The following UNC5C variants were observed in gnomAD, a reference collection of about 807,000 sequenced individuals.
UNC5C encodes the protein unc-5 netrin receptor C.
UNC5C carries 47 observed loss-of-function variants against 99.8 expected under a neutral mutation model. That is an observed-to-expected ratio of 0.47 (90% confidence interval 0.37 to 0.60). The LOEUF (loss-of-function observed/expected upper bound fraction) is 0.60. Ranked by LOEUF, UNC5C falls within the 20% of genes least tolerant of loss-of-function variation. UNC5C has a pLI of 0.00. For synonymous variants in UNC5C, 487 were observed against 452.2 expected (o/e 1.08, Z -0.98); for missense variants, 1,062 against 1,165.9 (o/e 0.91, Z 1.30).
chr4:95,199,652 T>C (rs1438661359), intron 12 of UNC5C, among the ~76,000 whole-genome samples: 1 of 152,182 alleles, frequency 6.6e-6, no homozygotes, highest in Non-Finnish European at 1.5e-5. Context: ...TTGCATGTAT[T>C]TGTGTGTGTT....
chr4:95,332,117 A>C (rs77264909), intron 2 of UNC5C, among the ~76,000 whole-genome samples: 7,616 of 152,284 alleles, frequency 0.05, 612 homozygotes, highest in African/African-American at 0.17. Flanking sequence ...GGTAGGAAGA[A>C]TCAATATCAT....
intron 7 of UNC5C, among the ~76,000 whole-genome samples, chr4:95,223,665 T>C (rs1738560737): frequency 6.6e-6 from 1 of 152,216 alleles, no homozygotes; most frequent in Non-Finnish European, 1.5e-5. Flanking sequence ...TTCCTTATTC[T>C]AGTTGTCTGA....
At chr4:95,470,861 G>T (rs1181010322) in intron 1 of UNC5C, among the ~76,000 whole-genome samples, 1 of 152,058 alleles carries the variant, frequency 6.6e-6, no homozygotes, top group East Asian at 1.9e-4. Flanking sequence ...ATTTTAATTT[G>T]TAAGGGTTTC....
intron 1 of UNC5C, among the ~76,000 whole-genome samples, chr4:95,495,670 G>A (rs1721610935): frequency 6.6e-6 from 1 of 151,536 alleles, no homozygotes; most frequent in African/African-American, 2.4e-5. Flanking sequence ...TTAAATAACT[G>A]TCCAAGTTCA....
At chr4:95,248,335 T>A (rs184684973) in intron 5 of UNC5C, 18 of 262,652 alleles carry the variant, frequency 6.9e-5, no homozygotes, top group Non-Finnish European at 1.4e-4. Context: ...AAAGATGCAG[T>A]TATAGTTGAA....
intron 2 of UNC5C, among the ~76,000 whole-genome samples, chr4:95,324,476 T>G (rs1742814447): frequency 1.3e-5 from 2 of 152,156 alleles, no homozygotes; most frequent in Admixed American, 1.3e-4. Context: ...ATAAATGTAA[T>G]GTACTTGAAT....
At chr4:95,242,363 TA>T in intron 7 of UNC5C, 65 bp downstream of exon 7, 2 of 1,586,772 alleles carry the variant, frequency 1.3e-6, no homozygotes, top group East Asian at 2.3e-5. Context: ...AATGTTTCCT[TA>T]AAAAACTCCA....
At chr4:95,347,608 C>T (rs991176476) in intron 1 of UNC5C, among the ~76,000 whole-genome samples, 3 of 151,910 alleles carry the variant, frequency 2.0e-5, no homozygotes, top group African/African-American at 7.2e-5. Flanking sequence ...AATTCATACA[C>T]CTACAGTGAA....
At chr4:95,459,393 T>C (rs1165900508) in intron 1 of UNC5C, among the ~76,000 whole-genome samples, 1 of 152,160 alleles carries the variant, frequency 6.6e-6, no homozygotes, top group Non-Finnish European at 1.5e-5. Context: ...ATTATTCCAG[T>C]AGTCAGTGTA....
At chr4:95,292,320 A>G (rs1741506068) in intron 3 of UNC5C, among the ~76,000 whole-genome samples, 1 of 148,432 alleles carries the variant, frequency 6.7e-6, no homozygotes, top group African/African-American at 2.5e-5. Flanking sequence ...CCCAGGCTGG[A>G]GTGCAGTAGT....
At chr4:95,371,700 A>G (rs1744753891) in intron 1 of UNC5C, among the ~76,000 whole-genome samples, 1 of 152,198 alleles carries the variant, frequency 6.6e-6, no homozygotes, top group African/African-American at 2.4e-5. Flanking sequence ...TGGAAACACC[A>G]GGGCTACGTA....
intron 1 of UNC5C, among the ~76,000 whole-genome samples, chr4:95,428,942 C>G (rs1256989530): frequency 6.6e-6 from 1 of 152,080 alleles, no homozygotes. Flanking sequence ...AGATCCTTAA[C>G]TGGAAACCCA....
At chr4:95,316,113 C>G (rs1240995358) in intron 2 of UNC5C, among the ~76,000 whole-genome samples, 1 of 152,086 alleles carries the variant, frequency 6.6e-6, no homozygotes, top group Admixed American at 6.6e-5. Flanking sequence ...AAGTGTACAT[C>G]AAGCTCACAT....
chr4:95,204,219 A>G (rs1737791733), intron 11 of UNC5C, among the ~76,000 whole-genome samples: 1 of 152,266 alleles, frequency 6.6e-6, no homozygotes, highest in Non-Finnish European at 1.5e-5. Flanking sequence ...AAATAAATGG[A>G]AGTGATGATT....
chr4:95,247,051 A>T (rs200011034), intron 5 of UNC5C, among the ~76,000 whole-genome samples: 10 of 80,860 alleles, frequency 1.2e-4, no homozygotes, highest in South Asian at 1.1e-3. Flanking sequence ...ATAAAAAAAT[A>T]AAAAAAAAAG....
At chr4:95,235,942 T>C (rs1739094344) in intron 7 of UNC5C, among the ~76,000 whole-genome samples, 1 of 152,174 alleles carries the variant, frequency 6.6e-6, no homozygotes, top group African/African-American at 2.4e-5. Context: ...CAACAGGTGC[T>C]GGAGAGGATG....
rs146993767 is a variant in UNC5C at position 95,499,212 on chromosome 4, G to A, written c.124+49522C>T. Among the ~76,000 whole-genome samples, 15 of 152,182 alleles carry A rather than the reference G, an allele frequency of 9.9e-5. No homozygotes were observed. The East Asian group carries it at 2.7e-3, about 27-fold the overall frequency. On this transcript the variant is annotated intron_variant, in intron 1 of 15. Coordinates refer to ENST00000453304, the MANE Select transcript of UNC5C (RefSeq NM_003728.4). ...AGTCCAAGTTAGAAGGAATACTCTGGATATAATAGGTGGAGGTTTAAAAGT... is the reference window on the plus strand; with the variant it reads ...AGTCCAAGTTAGAAGGAATACTCTGAATATAATAGGTGGAGGTTTAAAAGT...
At chr4:95,461,281 G>A (rs560551162) in intron 1 of UNC5C, among the ~76,000 whole-genome samples, 1 of 152,308 alleles carries the variant, frequency 6.6e-6, no homozygotes, top group Non-Finnish European at 1.5e-5. Context: ...AAGTTAAGAT[G>A]TGATACAGTC....
At chr4:95,331,407 G>C (rs1743106369) in intron 2 of UNC5C, among the ~76,000 whole-genome samples, 2 of 152,066 alleles carry the variant, frequency 1.3e-5, no homozygotes, top group Admixed American at 1.3e-4. Flanking sequence ...GTTTTCTATA[G>C]AGGTTGTACT....
Sources: allele counts gnomAD v4.1 joint callset (sites outside exome capture counted in the v4.1 genomes callset), GRCh38; gene constraint gnomAD v4.1.1; transcripts MANE v1.5; gene names NCBI Gene and HGNC (gene_info 2026-07-23, HGNC 2026-07-21).